Variants in LRMDA observed in about 807,000 individuals in gnomAD.
LRMDA encodes leucine-rich melanocyte differentiation-associated protein.
In LRMDA, 18 loss-of-function variants were observed where a neutral mutation model predicts 29.8. That is an observed-to-expected ratio of 0.60 (90% confidence interval 0.42 to 0.90). LRMDA has a LOEUF of 0.90. Ranked by LOEUF, LRMDA falls within the 40% of genes least tolerant of loss-of-function variation. The probability of loss-of-function intolerance (pLI) is 0.00; values close to 1 mark genes in which losing one functional copy is unlikely to be tolerated. For synonymous variants in LRMDA, 125 were observed against 109.4 expected (o/e 1.14, Z -0.89); for missense variants, 273 against 273.9 (o/e 1.00, Z 0.02).
intron 5 of LRMDA, among the ~76,000 whole-genome samples, chr10:76,207,512 G>T (rs1851558854): frequency 6.6e-6 from 1 of 152,180 alleles, no homozygotes; most frequent in African/African-American, 2.4e-5. Flanking sequence ...TTGGTTGGGG[G>T]ATGGGGTGAT....
chr10:76,174,729 C>T (rs4746371), intron 5 of LRMDA, among the ~76,000 whole-genome samples: 24,460 of 152,122 alleles, frequency 0.16, 2,720 homozygotes, highest in East Asian at 0.52. Context: ...TTGGGACTAG[C>T]GGAAACAGAA....
intron 1 of LRMDA, among the ~76,000 whole-genome samples, chr10:75,433,418 T>C (rs1297929646): frequency 6.6e-6 from 1 of 152,198 alleles, no homozygotes; most frequent in East Asian, 1.9e-4. Flanking sequence ...ACTGTTTTAT[T>C]AGACCGAGTT....
chr10:76,345,271 A>C, intron 6 of LRMDA, among the ~76,000 whole-genome samples: 1 of 148,640 alleles, frequency 6.7e-6, no homozygotes, highest in Non-Finnish European at 1.5e-5. Context: ...ACGGGGTTTC[A>C]CCTTGTTAGC....
intron 6 of LRMDA, among the ~76,000 whole-genome samples, chr10:76,486,941 A>G (rs899539262): frequency 6.6e-5 from 10 of 151,924 alleles, no homozygotes; most frequent in African/African-American, 1.2e-4. Context: ...TACAGTTTTA[A>G]CTACTTCTAC....
At chr10:75,914,587 A>AG (rs1203265326) in intron 2 of LRMDA, among the ~76,000 whole-genome samples, 3 of 152,232 alleles carry the variant, frequency 2.0e-5, no homozygotes, top group African/African-American at 7.2e-5. Context: ...CTGCTGTGAT[A>AG]GAAGATCTAT....
intron 2 of LRMDA, among the ~76,000 whole-genome samples, chr10:75,511,400 T>C (rs1311792982): frequency 1.3e-5 from 2 of 152,114 alleles, no homozygotes; most frequent in Non-Finnish European, 2.9e-5. Flanking sequence ...TGGTAGCAAC[T>C]TTACCCCTCA....
chr10:76,059,079 G>A (rs1042329393), intron 5 of LRMDA, among the ~76,000 whole-genome samples: 7 of 152,160 alleles, frequency 4.6e-5, no homozygotes, highest in African/African-American at 1.7e-4. Flanking sequence ...GTTTGCAGCT[G>A]AGAAAGGAGA....
chr10:75,912,055 C>T (rs1032489212), intron 2 of LRMDA, among the ~76,000 whole-genome samples: 1 of 152,130 alleles, frequency 6.6e-6, no homozygotes, highest in African/African-American at 2.4e-5. Flanking sequence ...TGTTATTTTT[C>T]ATGGGGGTGA....
chr10:76,453,773 A>C (rs942082144), intron 6 of LRMDA, among the ~76,000 whole-genome samples: 29 of 152,230 alleles, frequency 1.9e-4, no homozygotes, highest in African/African-American at 6.8e-4. Context: ...CCTTTATTAA[A>C]TTAGAGCCCA....
chr10:76,302,766 T>C (rs1840497399), intron 5 of LRMDA, among the ~76,000 whole-genome samples: 1 of 152,214 alleles, frequency 6.6e-6, no homozygotes, highest in Admixed American at 6.5e-5. Flanking sequence ...AAATGAGATA[T>C]GGCACAAATT....
intron 2 of LRMDA, among the ~76,000 whole-genome samples, chr10:75,523,083 A>G (rs1845379167): frequency 6.6e-6 from 1 of 152,244 alleles, no homozygotes; most frequent in African/African-American, 2.4e-5. Context: ...CCTCACTTGT[A>G]AATGGGAGCT....
In LRMDA at chr10:76,264,144, A is replaced by G. The variant is rs117684925; in HGVS notation, c.517-60257A>G. Among the ~76,000 whole-genome samples, 322 of 152,232 alleles carry G rather than the reference A, an allele frequency of 2.1e-3. 6 individuals are homozygous for G. The East Asian group carries it at 0.053, about 25-fold the overall frequency. On this transcript the variant is annotated intron_variant, in intron 5 of 6. Transcript: ENST00000611255. ...CCAGCCATGATGGCTCACACCTGTA[A>G]TCCCAACACTTTGGGAGGCCGAGAC...
At chr10:76,009,020 C>G (rs1472222699) in intron 2 of LRMDA, among the ~76,000 whole-genome samples, 2 of 152,120 alleles carry the variant, frequency 1.3e-5, no homozygotes, top group African/African-American at 4.8e-5. Context: ...GATCCTGAAC[C>G]CAGGTCTCCT....
chr10:76,555,087 G>A (rs1008708233), intron 6 of LRMDA, among the ~76,000 whole-genome samples: 5 of 152,004 alleles, frequency 3.3e-5, no homozygotes, highest in African/African-American at 4.8e-5. Flanking sequence ...TATGTTTAAG[G>A]AAGCCCTCTG....
chr10:76,494,937 T>C (rs1842867689), intron 6 of LRMDA, among the ~76,000 whole-genome samples: 1 of 151,918 alleles, frequency 6.6e-6, no homozygotes, highest in Admixed American at 6.6e-5. Flanking sequence ...GGCCAGAAAA[T>C]ATTCTTTGTC....
At chr10:76,285,203 G>A (rs973584689) in intron 5 of LRMDA, among the ~76,000 whole-genome samples, 16 of 152,032 alleles carry the variant, frequency 1.1e-4, no homozygotes, top group African/African-American at 3.4e-4. Context: ...CTATTTCCAG[G>A]ATATAGTTGG....
intron 2 of LRMDA, among the ~76,000 whole-genome samples, chr10:75,619,138 G>A (rs1841148518): frequency 1.3e-5 from 2 of 151,998 alleles, no homozygotes; most frequent in African/African-American, 4.8e-5. Context: ...CTGTCATGAA[G>A]GTCTTTATCC....
chr10:75,741,907 TGAA>T (rs1842834446), intron 2 of LRMDA, among the ~76,000 whole-genome samples: 1 of 152,100 alleles, frequency 6.6e-6, no homozygotes, highest in Non-Finnish European at 1.5e-5. Context: ...GGAGCTCTCA[TGAA>T]CGATGGGATT....
chr10:76,421,192 C>T (rs1158122959), intron 6 of LRMDA, among the ~76,000 whole-genome samples: 2 of 152,092 alleles, frequency 1.3e-5, no homozygotes, highest in African/African-American at 4.8e-5. Flanking sequence ...ATTTTTGTTT[C>T]ATGTGTTTTT....
Sources: gnomAD v4.1 joint callset for allele counts (sites outside exome capture counted in the v4.1 genomes callset) on GRCh38, gnomAD v4.1.1 for gene constraint, MANE v1.5 for transcripts, NCBI Gene and HGNC (gene_info 2026-07-23, HGNC 2026-07-21) for gene names.